The following SCD5 variants were observed in gnomAD, a reference collection of about 807,000 sequenced individuals.
The protein encoded by SCD5 is stearoyl-CoA desaturase 5, also known as acyl-CoA-desaturase 4.
Under a neutral mutation model 30.4 loss-of-function variants are expected in SCD5, and 20 were observed. The observed-to-expected ratio is 0.66, with a 90% confidence interval of 0.46 to 0.96. The LOEUF (loss-of-function observed/expected upper bound fraction) is 0.96, where lower values mean the gene tolerates loss of function less well. Ranked by LOEUF, SCD5 falls within the 40% of genes least tolerant of loss-of-function variation. SCD5 has a pLI of 0.00. For missense variants in SCD5, 381 were observed against 443.3 expected (o/e 0.86, Z 1.26); for synonymous variants, 173 against 176.4 (o/e 0.98, Z 0.16).
chr4:82,647,862 AGAG>A (rs1432526640), intron 3 of SCD5, among the ~76,000 whole-genome samples: 1 of 152,246 alleles, frequency 6.6e-6, no homozygotes, highest in African/African-American at 2.4e-5. Context: ...AATGATAGTA[AGAG>A]GAGTAGAAAA....
At chr4:82,684,545 A>G (rs944352388) in intron 2 of SCD5, among the ~76,000 whole-genome samples, 1 of 152,076 alleles carries the variant, frequency 6.6e-6, no homozygotes, top group Non-Finnish European at 1.5e-5. Flanking sequence ...GAAAGAACCT[A>G]CCTGTGAATA....
chr4:82,784,732 G>A (rs149961655), intron 1 of SCD5, among the ~76,000 whole-genome samples: 10 of 152,242 alleles, frequency 6.6e-5, no homozygotes, highest in Admixed American at 2.0e-4. Flanking sequence ...CCGTGAAAGG[G>A]ATAGAAGCTG....
chr4:82,688,565 T>A (rs548937939), intron 2 of SCD5, among the ~76,000 whole-genome samples: 2 of 152,314 alleles, frequency 1.3e-5, no homozygotes, highest in East Asian at 3.9e-4. Context: ...TCTCTCCAGA[T>A]AATAGGCTAA....
At chr4:82,695,295 A>AT (rs1438310292) in intron 2 of SCD5, among the ~76,000 whole-genome samples, 1 of 152,196 alleles carries the variant, frequency 6.6e-6, no homozygotes, top group Non-Finnish European at 1.5e-5. Context: ...TTAATTTCCA[A>AT]TAAGCTCTCT....
chr4:82,649,218 TGTGA>T (rs1332774319), intron 3 of SCD5, among the ~76,000 whole-genome samples: 6 of 134,198 alleles, frequency 4.5e-5, no homozygotes, highest in African/African-American at 1.6e-4. Context: ...TGTGTGTGTG[TGTGA>T]GATTCTTCAC....
chr4:82,679,500 G>A (rs556571302), intron 3 of SCD5, among the ~76,000 whole-genome samples: 35 of 152,178 alleles, frequency 2.3e-4, no homozygotes, highest in African/African-American at 8.4e-4. Flanking sequence ...AATAATAATG[G>A]CTGACATTCA....
At chr4:82,725,416 C>T (rs1720448242) in intron 1 of SCD5, among the ~76,000 whole-genome samples, 1 of 152,182 alleles carries the variant, frequency 6.6e-6, no homozygotes, top group Non-Finnish European at 1.5e-5. Flanking sequence ...CACTATCAAC[C>T]ACTCACAGTA....
chr4:82,723,257 C>G (rs7686339), intron 1 of SCD5, among the ~76,000 whole-genome samples: 65,526 of 151,774 alleles, frequency 0.43, 14,836 homozygotes, highest in African/African-American at 0.57. Flanking sequence ...TTGTTTGTGA[C>G]GTTTATTTAT....
intron 1 of SCD5, among the ~76,000 whole-genome samples, chr4:82,756,738 A>G (rs1721242881): frequency 7.0e-6 from 1 of 143,248 alleles, no homozygotes; most frequent in African/African-American, 2.6e-5. Context: ...TCCTACTTGT[A>G]GCCGCCCTCA....
At chr4:82,775,589 G>C (rs960073433) in intron 1 of SCD5, 9 of 152,302 alleles carry the variant, frequency 5.9e-5, no homozygotes, top group African/African-American at 2.2e-4. Context: ...GGCCAGGTGT[G>C]GTGGCTCATG....
chr4:82,647,367 CTA>C (rs1727654095), intron 3 of SCD5, among the ~76,000 whole-genome samples: 2 of 152,100 alleles, frequency 1.3e-5, no homozygotes, highest in South Asian at 4.1e-4. Flanking sequence ...CAATAATAAG[CTA>C]CACACCAGCA....
chr4:82,674,919 A>G (rs1412347388), intron 3 of SCD5, among the ~76,000 whole-genome samples: 1 of 152,222 alleles, frequency 6.6e-6, no homozygotes, highest in South Asian at 2.1e-4. Flanking sequence ...ATTCTGGAAA[A>G]AGCAAAACTA....
At chr4:82,699,522 C>A (rs1719767901) in intron 2 of SCD5, among the ~76,000 whole-genome samples, 1 of 150,814 alleles carries the variant, frequency 6.6e-6, no homozygotes. Context: ...GCAGCTGGGA[C>A]TACAGGCACA....
At chr4:82,690,703 A>T in intron 2 of SCD5, among the ~76,000 whole-genome samples, 1 of 152,212 alleles carries the variant, frequency 6.6e-6, no homozygotes, top group East Asian at 1.9e-4. Context: ...TTCTTATAAA[A>T]TCTAAACTTT....
intron 1 of SCD5, among the ~76,000 whole-genome samples, chr4:82,788,390 A>ACTTTTTTTAAAAT (rs569860424): frequency 1.9e-3 from 282 of 152,180 alleles, no homozygotes; most frequent in South Asian, 8.5e-3. Context: ...TACATGTGAG[A>ACTTTTTTTAAAAT]CTTTTTTTAA....
At chr4:82,726,689 C>T (rs929599543) in intron 1 of SCD5, among the ~76,000 whole-genome samples, 1 of 152,004 alleles carries the variant, frequency 6.6e-6, no homozygotes, top group African/African-American at 2.4e-5. Context: ...AATGCACTGA[C>T]ACTTTCTATT....
intron 2 of SCD5, among the ~76,000 whole-genome samples, chr4:82,698,982 G>A (rs115557793): frequency 6.6e-6 from 1 of 152,128 alleles, no homozygotes; most frequent in African/African-American, 2.4e-5. Context: ...CCTGTGCCTA[G>A]AACAATGCTT....
At chr4:82,648,970 T>C (rs1051363486) in intron 3 of SCD5, among the ~76,000 whole-genome samples, 1 of 152,194 alleles carries the variant, frequency 6.6e-6, no homozygotes. Flanking sequence ...CAAAAATGTA[T>C]ATCATTCTGG....
Position 82,636,609 on chromosome 4 carries a change from C to T in SCD5, c.784G>A (p.Val262Ile), listed in dbSNP as rs755864702. The T allele has an allele frequency of 1.5e-5, 24 of 1,613,822 alleles. No individual in the cohort carries two copies. In the South Asian group the frequency reaches 1.5e-4, roughly 10 times the overall value. ...TACTCACCAATGGCACCCAGAGCGA[C>T]GAGTGGGTTCTGCCGAGGGCTGATG... is the stretch of plus-strand genomic sequence containing the variant. ...KHISPRQNPLVALGAIGEGFH... is the reference protein window; with the variant it reads ...KHISPRQNPLIALGAIGEGFH... The change falls in exon 4 of 5, where the codon GTC (valine) becomes ATC (isoleucine). Residue 262 changes from valine to isoleucine, a missense_variant. Transcript: ENST00000319540.
Sources: allele counts gnomAD v4.1 joint callset (sites outside exome capture counted in the v4.1 genomes callset), GRCh38; gene constraint gnomAD v4.1.1; transcripts MANE v1.5; gene names NCBI Gene and HGNC (gene_info 2026-07-23, HGNC 2026-07-21).